The following WHRN variants were observed in gnomAD, a reference collection of about 807,000 sequenced individuals.
WHRN encodes the protein CASK-interacting protein CIP98.
In WHRN, 41 loss-of-function variants were observed where a neutral mutation model predicts 68.3. That is an observed-to-expected ratio of 0.60 (90% CI 0.47 to 0.78). The LOEUF is 0.78. WHRN is among the 30% of genes least tolerant of loss of function. WHRN has a pLI of 0.00. For missense variants in WHRN, 1,243 were observed against 1,244.7 expected (o/e 1.00, Z 0.02); for synonymous variants, 560 against 561.3 (o/e 1.00, Z 0.03).
intron 7 of WHRN, among the ~76,000 whole-genome samples, chr9:114,419,101 A>G (rs972060238): frequency 6.6e-6 from 1 of 152,178 alleles, no homozygotes; most frequent in Non-Finnish European, 1.5e-5. Flanking sequence ...CCTTCAGGGA[A>G]GAATCACAGC....
chr9:114,499,769 G>A (rs896562175), intron 1 of WHRN, among the ~76,000 whole-genome samples: 5 of 152,202 alleles, frequency 3.3e-5, no homozygotes, highest in Non-Finnish European at 4.4e-5. Context: ...AGCAACACAC[G>A]GACAATCCAA....
At position 114,466,087 on chromosome 9, in the gene WHRN, T is replaced by C. The variant is rs146916265; in HGVS notation, c.963+180A>G. ...GGGCTGGCCTGCTGCCCACACTGCG[T>C]AGGCGGCCACCCCGCTGCTGCTGTG... On this transcript the variant is annotated intron_variant, in intron 3 of 11. Coordinates refer to ENST00000362057, the MANE Select transcript of WHRN (RefSeq NM_015404.4). Among the ~76,000 whole-genome samples, 1,062 of 152,342 alleles carry C rather than the reference T, an allele frequency of 7.0e-3. 7 individuals carry two copies. Among genetic ancestry groups the C allele is most frequent in the Middle Eastern group, 0.014 (4 of 294 alleles).
chr9:114,432,120 G>A (rs1837473438), intron 3 of WHRN, among the ~76,000 whole-genome samples: 1 of 152,146 alleles, frequency 6.6e-6, no homozygotes, highest in Non-Finnish European at 1.5e-5. Flanking sequence ...AGGAGTGGAG[G>A]GTGGACCATG....
At chr9:114,419,838 G>A (rs1836124121) in intron 7 of WHRN, among the ~76,000 whole-genome samples, 1 of 152,192 alleles carries the variant, frequency 6.6e-6, no homozygotes, top group Non-Finnish European at 1.5e-5. Context: ...TGGCAGAGCT[G>A]GGATTTGAAT....
intron 7 of WHRN, among the ~76,000 whole-genome samples, chr9:114,412,062 A>G (rs1835477798): frequency 6.6e-6 from 1 of 151,954 alleles, no homozygotes; most frequent in South Asian, 2.1e-4. Flanking sequence ...TGAGGGGTAG[A>G]CGAGGGATGA....
rs5900086 is a variant in WHRN at position 114,428,828 on chromosome 9, CCT to C, written c.964-2417_964-2416del. Among the ~76,000 whole-genome samples the C allele has an allele frequency of 9.0e-3, 1,370 of 152,170 alleles. 28 individuals carry two copies. Among genetic ancestry groups the C allele is most frequent in the African/African-American group, 0.032 (1,309 of 41,432 alleles). ...TCCCGTCCTCCACCCCCATCAGCCCCCTGACCTCGGTTCCTACCTGCTCCCTC... is the reference window on the plus strand; with the variant it reads ...TCCCGTCCTCCACCCCCATCAGCCCCGACCTCGGTTCCTACCTGCTCCCTC... On this transcript the variant is annotated intron_variant, in intron 3 of 11. Coordinates refer to ENST00000362057, the MANE Select transcript of WHRN (RefSeq NM_015404.4).
intron 1 of WHRN, 113 bp from the exon 2 acceptor site, chr9:114,478,884 G>C (rs894782326): frequency 3.0e-6 from 3 of 1,002,374 alleles, no homozygotes; most frequent in Non-Finnish European, 4.5e-6. Flanking sequence ...TGGAAGAAGA[G>C]GCCAGCCCTG....
intron 3 of WHRN, among the ~76,000 whole-genome samples, chr9:114,441,324 G>A (rs1589143372): frequency 6.6e-6 from 1 of 152,202 alleles, no homozygotes; most frequent in East Asian, 1.9e-4. Flanking sequence ...GCACCTCTAA[G>A]CCCTGCATTG....
At chr9:114,432,262 G>A (rs754601046) in intron 3 of WHRN, among the ~76,000 whole-genome samples, 8 of 152,192 alleles carry the variant, frequency 5.3e-5, no homozygotes, top group Non-Finnish European at 1.0e-4. Context: ...CGATTTCCCT[G>A]AAATTGGCCA....
chr9:114,403,845 C>G (rs745440671), intron 10 of WHRN, 51 bp downstream of exon 10: 1 of 1,603,422 alleles, frequency 6.2e-7, no homozygotes, highest in African/African-American at 1.3e-5. Context: ...CATTCTGTGC[C>G]TGGGGCCCGT....
chr9:114,465,965 T>A (rs2132950136), intron 3 of WHRN, among the ~76,000 whole-genome samples: 1 of 152,268 alleles, frequency 6.6e-6, no homozygotes, highest in Admixed American at 6.5e-5. Flanking sequence ...CTTATCACTT[T>A]CTCTCCTCTA....
chr9:114,407,923 C>T (rs945335764), intron 8 of WHRN, 24 bp downstream of exon 8: 1 of 1,585,492 alleles, frequency 6.3e-7, no homozygotes, highest in African/African-American at 1.3e-5. Context: ...GAGAGCAGAA[C>T]CAAAGGGCCA....
chr9:114,487,315 C>T (rs1842633234), intron 1 of WHRN, among the ~76,000 whole-genome samples: 2 of 151,742 alleles, frequency 1.3e-5, no homozygotes, highest in Admixed American at 1.3e-4. Flanking sequence ...GTCTGCCCTT[C>T]CTGACTTGCT....
At chr9:114,444,465 T>G (rs796654393) in intron 3 of WHRN, among the ~76,000 whole-genome samples, 31 of 151,982 alleles carry the variant, frequency 2.0e-4, no homozygotes, top group African/African-American at 7.5e-4. Flanking sequence ...CCAATTAAAC[T>G]TAAAAAAAAT....
At chr9:114,421,023 C>G (rs1313429837) in intron 7 of WHRN, among the ~76,000 whole-genome samples, 1 of 152,086 alleles carries the variant, frequency 6.6e-6, no homozygotes, top group Non-Finnish European at 1.5e-5. Context: ...TCCTGACATG[C>G]ATGTGCCACC....
rs143079837 is a variant in WHRN, at chr9:114,478,763, C to T, written c.627G>A (p.Lys209=). 2.5e-6 allele frequency: 4 copies of T among 1,611,244 alleles called. No individual in the cohort carries two copies. The highest frequency in any genetic ancestry group is 2.5e-6 in the Non-Finnish European group (3 of 1,179,660). The part of the protein sequence containing the change: ...VTHAEAVKAL[K]GSKKLVLSVY... ...CAGACAGCACCAGCTTCTTGGAGCC[C>T]TTCAGAGCCTAGGGAGAGAGGGATA... Residue 209 remains lysine, a synonymous_variant, in exon 2 of 12, where the codon AAG becomes AAA. Transcript: ENST00000362057.
intron 1 of WHRN, among the ~76,000 whole-genome samples, chr9:114,490,872 C>G (rs1842917834): frequency 6.6e-6 from 1 of 152,230 alleles, no homozygotes; most frequent in South Asian, 2.1e-4. Context: ...AAGGACAGAA[C>G]AGATTCCAGA....
rs146273185 is a variant in WHRN at position 114,478,722 on chromosome 9, C to T, written c.668G>A (p.Arg223His). Residue 223 changes from arginine to histidine, a missense_variant, in exon 2 of 12, where the codon CGC becomes CAC. Coordinates refer to ENST00000362057, the MANE Select transcript of WHRN (RefSeq NM_015404.4). The stretch of plus-strand genomic sequence containing the variant: ...GTTGGTGACGTAGCCCCCAGGGATG[C>T]GCCCTGCTGAGTACACAGACAGCAC... ...KLVLSVYSAGRIPGGYVTNHI... is the reference protein window; with the variant it reads ...KLVLSVYSAGHIPGGYVTNHI... 3.4e-3 allele frequency: 5,457 copies of T among 1,612,430 alleles called. 66 individuals are homozygous for T. Among genetic ancestry groups the T allele is most frequent in the South Asian group, 0.03 (2,757 of 90,988 alleles).
intron 1 of WHRN, among the ~76,000 whole-genome samples, chr9:114,481,995 T>G (rs1842128604): frequency 6.6e-6 from 1 of 152,138 alleles, no homozygotes; most frequent in Admixed American, 6.5e-5. Flanking sequence ...AGGCATCGTG[T>G]GGCACACAGT....
Sources: allele counts gnomAD v4.1 joint callset (sites outside exome capture counted in the v4.1 genomes callset), GRCh38; gene constraint gnomAD v4.1.1; transcripts MANE v1.5; gene names NCBI Gene and HGNC (gene_info 2026-07-23, HGNC 2026-07-21).